VPS45: variants seen among roughly 807,000 people sequenced by gnomAD.
The protein encoded by VPS45 is vacuolar protein sorting-associated protein 45.
Under a neutral mutation model 75.9 loss-of-function variants are expected in VPS45, and 35 were observed. The ratio of observed to expected loss-of-function variants is 0.46; its 90% CI spans 0.35 to 0.61. The LOEUF is 0.61. Among genes scored for constraint, VPS45 ranks in the 20% least tolerant of loss-of-function variants. VPS45 has a pLI of 0.00. For missense variants in VPS45, 559 were observed against 685.9 expected (o/e 0.81, Z 2.07); for synonymous variants, 220 against 238.2 (o/e 0.92, Z 0.70).
rs782316787 is a variant in VPS45 at position 150,081,519 on chromosome 1, A to G, written c.822+43A>G. On this transcript the variant is annotated intron_variant, in intron 8 of 14. Coordinates refer to ENST00000644510, the MANE Select transcript of VPS45 (RefSeq NM_007259.5). ...TTTTAAATTGTCTTTAGTTGTTTTT[A>G]TGTAAGAAGATCAATATTGGCTTGT... The G allele has an allele frequency of 5.7e-6, 9 of 1,573,126 alleles. No homozygotes were observed. In the South Asian group the frequency reaches 1.1e-4, roughly 19 times the overall value.
At chr1:150,081,241 A>C in intron 7 of VPS45, 101 bp from the exon 8 acceptor site, 1 of 1,149,290 alleles carries the variant, frequency 8.7e-7, no homozygotes, top group Non-Finnish European at 1.2e-6. Context: ...CATGTAAAGA[A>C]GACTAGTTAA....
At chr1:150,109,762 G>A (rs1023554750) in intron 13 of VPS45, 1 of 152,180 alleles carries the variant, frequency 6.6e-6, no homozygotes. Flanking sequence ...GATTGAAACA[G>A]GAAACAGAGT....
chr1:150,068,848 G>T, intron 2 of VPS45, 84 bp downstream of exon 2: 1 of 1,310,224 alleles, frequency 7.6e-7, no homozygotes, highest in South Asian at 1.8e-5. Context: ...AAATAAATTT[G>T]TATTATCATA....
At chr1:150,098,776 T>C in intron 13 of VPS45, 1 of 918,876 alleles carries the variant, frequency 1.1e-6, no homozygotes, top group Non-Finnish European at 1.5e-6. Flanking sequence ...TATCCACAAA[T>C]TGGATTTGAT....
chr1:150,138,757 G>C (rs1293129699), intron 14 of VPS45, among the ~76,000 whole-genome samples: 2 of 152,116 alleles, frequency 1.3e-5, no homozygotes, highest in Non-Finnish European at 2.9e-5. Context: ...TATATCCACT[G>C]TCTTTTTGAC....
chr1:150,097,187 A>G (rs1260724055), intron 13 of VPS45, among the ~76,000 whole-genome samples: 1 of 150,310 alleles, frequency 6.7e-6, no homozygotes, highest in African/African-American at 2.4e-5. Flanking sequence ...TCCTGGGTTC[A>G]AGATTCTCCT....
At chr1:150,113,008 G>T (rs1009504999) in intron 14 of VPS45, among the ~76,000 whole-genome samples, 20 of 152,150 alleles carry the variant, frequency 1.3e-4, no homozygotes, top group African/African-American at 4.6e-4. Flanking sequence ...CAAACTCTTC[G>T]AACACTATTG....
intron 14 of VPS45, among the ~76,000 whole-genome samples, chr1:150,137,915 C>CAAAAAA (rs61104098): frequency 1.3e-4 from 12 of 92,396 alleles, no homozygotes; most frequent in South Asian, 4.4e-4. Context: ...ACTCCGTCTC[C>CAAAAAA]AAAAAAAAAA....
Position 150,110,552 on chromosome 1 carries a change from C to T in VPS45, c.1550C>T (p.Thr517Ile), listed in dbSNP as rs1657591228. ...IGGATYEEALTVYNLNRTTPG... is the reference protein window; with the variant it reads ...IGGATYEEALIVYNLNRTTPG... ...GGAGCCACCTATGAAGAGGCTCTAA[C>T]AGTTTATAACCTGAACCGCACCACT... The change falls in exon 14 of 15, where the codon ACA becomes ATA. Residue 517 changes from threonine to isoleucine, a missense_variant. Physicochemically the swap from Thr to Ile is moderately conservative, Grantham distance 89. Transcript: ENST00000644510. The T allele has an allele frequency of 1.9e-6, 3 of 1,613,786 alleles. No homozygotes were observed. Among genetic ancestry groups the T allele is most frequent in the Non-Finnish European group, 2.5e-6 (3 of 1,179,846 alleles).
At chr1:150,095,029 C>T (rs1053419409) in intron 13 of VPS45, among the ~76,000 whole-genome samples, 1 of 152,162 alleles carries the variant, frequency 6.6e-6, no homozygotes, top group African/African-American at 2.4e-5. Context: ...AATTCAGTTG[C>T]TTTGTCCTTT....
intron 10 of VPS45, among the ~76,000 whole-genome samples, chr1:150,091,547 T>C (rs1656324455): frequency 6.6e-6 from 1 of 152,214 alleles, no homozygotes; most frequent in Non-Finnish European, 1.5e-5. Flanking sequence ...ATTTCACTGG[T>C]CAATCATTAA....
chr1:150,074,444 C>CCA (rs782636911), intron 3 of VPS45, among the ~76,000 whole-genome samples: 10 of 152,130 alleles, frequency 6.6e-5, no homozygotes, highest in Non-Finnish European at 8.8e-5. Flanking sequence ...TATGAATGTA[C>CCA]CACAGTTTGT....
At chr1:150,123,047 A>T (rs1019801271) in intron 14 of VPS45, among the ~76,000 whole-genome samples, 7 of 151,876 alleles carry the variant, frequency 4.6e-5, no homozygotes, top group African/African-American at 1.7e-4. Context: ...CAGCCCTAAT[A>T]AACCACTAAT....
At chr1:150,118,753 G>A (rs59821426) in intron 14 of VPS45, among the ~76,000 whole-genome samples, 3,747 of 152,256 alleles carry the variant, frequency 0.025, 147 homozygotes, top group African/African-American at 0.084. Context: ...GCAGTCCTGC[G>A]AAGGCCTTAT....
At chr1:150,075,971 C>G (rs587651554) in intron 3 of VPS45, among the ~76,000 whole-genome samples, 2 of 151,416 alleles carry the variant, frequency 1.3e-5, no homozygotes, top group African/African-American at 4.9e-5. Context: ...CCAGGATGGT[C>G]TCGATCTCCT....
At chr1:150,143,583 G>A (rs1189416193) in intron 14 of VPS45, among the ~76,000 whole-genome samples, 8 of 31,252 alleles carry the variant, frequency 2.6e-4, no homozygotes, top group African/African-American at 7.3e-4. Context: ...GCAAGACTCC[G>A]TCTCAAAAAA....
chr1:150,081,304 C>G (rs1655689090), intron 7 of VPS45, 38 bp from the exon 8 acceptor site: 1 of 1,561,538 alleles, frequency 6.4e-7, no homozygotes, highest in African/African-American at 1.4e-5. Flanking sequence ...TTTCCATATT[C>G]TGTCAGTTAC....
At chr1:150,093,476 G>T (rs1553802423) in intron 12 of VPS45, 51 bp from the exon 13 acceptor site, 2 of 1,594,422 alleles carry the variant, frequency 1.3e-6, no homozygotes. Context: ...ATTAATTCTT[G>T]TGTTGCCAAT....
At chr1:150,081,571 A>C in intron 8 of VPS45, 95 bp downstream of exon 8, 1 of 1,387,738 alleles carries the variant, frequency 7.2e-7, no homozygotes, top group Non-Finnish European at 9.8e-7. Flanking sequence ...ATGGGATTTC[A>C]TGTGAAAGGA....
Sources: allele counts gnomAD v4.1 joint callset (sites outside exome capture counted in the v4.1 genomes callset), GRCh38; gene constraint gnomAD v4.1.1; transcripts MANE v1.5; gene names NCBI Gene and HGNC (gene_info 2026-07-23, HGNC 2026-07-21).